The following FIRRM variants were observed in gnomAD, a reference collection of about 807,000 sequenced individuals.
FIRRM encodes FIGNL1 interacting regulator of recombination and mitosis.
At chr1:169,848,167 T>C in the FIRRM span, among the ~76,000 whole-genome samples, 1 of 152,164 alleles carries the variant, frequency 6.6e-6, no homozygotes, top group African/African-American at 2.4e-5. Flanking sequence ...TTTTTATCCA[T>C]GAAAGAGAAC....
the FIRRM span, among the ~76,000 whole-genome samples, chr1:169,789,489 C>T: frequency 5.9e-5 from 9 of 152,286 alleles, no homozygotes; most frequent in East Asian, 1.3e-3. Flanking sequence ...ATGGACAGAA[C>T]GTCGTCTGTG....
chr1:169,810,386 G>T, the FIRRM span, among the ~76,000 whole-genome samples: 1 of 152,080 alleles, frequency 6.6e-6, no homozygotes, highest in African/African-American at 2.4e-5. Context: ...TAAAACAATA[G>T]AATTTTATTC....
the FIRRM span, among the ~76,000 whole-genome samples, chr1:169,786,177 C>A: frequency 6.6e-6 from 1 of 151,960 alleles, no homozygotes; most frequent in African/African-American, 2.4e-5. Flanking sequence ...CAAAGTTAAA[C>A]GAGTGGTTAT....
the FIRRM span, chr1:169,830,387 T>C: frequency 2.1e-6 from 3 of 1,427,038 alleles, no homozygotes; most frequent in East Asian, 6.8e-5. Flanking sequence ...TTATTAGTAG[T>C]GACTGACAGT....
chr1:169,795,965 G>A, the FIRRM span: 1 of 985,328 alleles, frequency 1.0e-6, no homozygotes, highest in Non-Finnish European at 1.2e-6. Context: ...AAATGTGCCT[G>A]GAATCCTAGC....
chr1:169,849,654 T>G, the FIRRM span: 3 of 1,397,464 alleles, frequency 2.1e-6, no homozygotes, highest in Non-Finnish European at 3.0e-6. Context: ...ATTTTAATAT[T>G]TCAAATATTC....
chr1:169,842,399 C>G, the FIRRM span: 2 of 1,606,574 alleles, frequency 1.2e-6, no homozygotes, highest in African/African-American at 2.7e-5. Flanking sequence ...CAAGTCCTTT[C>G]CTGTTTCTGT....
At chr1:169,798,225 G>C in the FIRRM span, among the ~76,000 whole-genome samples, 2 of 152,044 alleles carry the variant, frequency 1.3e-5, no homozygotes, top group Non-Finnish European at 2.9e-5. Flanking sequence ...AGGCTGCAGT[G>C]AGGTGTGATC....
the FIRRM span, among the ~76,000 whole-genome samples, chr1:169,819,058 C>T: frequency 3.3e-3 from 509 of 152,258 alleles, 6 homozygotes; most frequent in African/African-American, 0.011. Context: ...GGAAAGCATG[C>T]GGTTTCTACA....
the FIRRM span, chr1:169,852,852 T>C: frequency 2.5e-6 from 4 of 1,614,166 alleles, no homozygotes; most frequent in Admixed American, 1.7e-5. Context: ...CAGCGCTGCA[T>C]ACAATAGCAG....
At chr1:169,840,382 G>A in the FIRRM span, among the ~76,000 whole-genome samples, 4 of 152,146 alleles carry the variant, frequency 2.6e-5, no homozygotes, top group African/African-American at 7.2e-5. Context: ...ATTTGTTTGT[G>A]TCATCTATGA....
At chr1:169,800,642 C>G in the FIRRM span, among the ~76,000 whole-genome samples, 2 of 150,886 alleles carry the variant, frequency 1.3e-5, 1 homozygote, top group Middle Eastern at 7.0e-3. Context: ...ATGGCAGATC[C>G]TATTCAATAG....
chr1:169,847,864 T>A, the FIRRM span: 1 of 1,159,462 alleles, frequency 8.6e-7, no homozygotes, highest in Admixed American at 2.3e-5. Context: ...GAGTTAGTGA[T>A]TAAGGGATTT....
the FIRRM span, chr1:169,852,037 A>G: frequency 6.5e-7 from 1 of 1,526,934 alleles, no homozygotes; most frequent in African/African-American, 1.4e-5. Flanking sequence ...CCTTATGCTG[A>G]ATTTCAAATC....
At chr1:169,811,317 C>G in the FIRRM span, among the ~76,000 whole-genome samples, 1 of 151,846 alleles carries the variant, frequency 6.6e-6, no homozygotes, top group African/African-American at 2.4e-5. Context: ...TATCTGTTGC[C>G]TACACTTAGA....
the FIRRM span, among the ~76,000 whole-genome samples, chr1:169,846,893 C>G: frequency 6.6e-6 from 1 of 152,168 alleles, no homozygotes; most frequent in Non-Finnish European, 1.5e-5. Context: ...TTTCACCTCT[C>G]TTGACTTTTG....
chr1:169,790,119 C>T, the FIRRM span, among the ~76,000 whole-genome samples: 1 of 152,084 alleles, frequency 6.6e-6, no homozygotes, highest in African/African-American at 2.4e-5. Context: ...CTTTTGCTGC[C>T]AGCTATCTTG....
chr1:169,800,697 A>C, the FIRRM span, among the ~76,000 whole-genome samples: 1 of 143,754 alleles, frequency 7.0e-6, no homozygotes. Context: ...TTGGATATGT[A>C]GGTCGTTTCC....
At chr1:169,786,704 C>G in the FIRRM span, among the ~76,000 whole-genome samples, 1 of 152,188 alleles carries the variant, frequency 6.6e-6, no homozygotes, top group African/African-American at 2.4e-5. Flanking sequence ...AGCTCTAGGA[C>G]ATTTTAGACA....
Sources: gnomAD v4.1 joint callset for allele counts (sites outside exome capture counted in the v4.1 genomes callset) on GRCh38, gnomAD v4.1.1 for gene constraint, MANE v1.5 for transcripts, NCBI Gene and HGNC (gene_info 2026-07-23, HGNC 2026-07-21) for gene names.